BTBD16: variants seen among roughly 807,000 people sequenced by gnomAD.
The protein encoded by BTBD16 is BTB/POZ domain-containing protein 16.
A neutral mutation model predicts 67.4 loss-of-function variants in BTBD16; 66 were observed. The ratio of observed to expected loss-of-function variants is 0.98; its 90% CI spans 0.80 to 1.20. BTBD16 has a LOEUF of 1.20. BTBD16 is among the 50% of genes most tolerant of loss of function. The pLI, the probability that BTBD16 is intolerant of heterozygous loss-of-function variation, is 0.00. For synonymous variants in BTBD16, 242 were observed against 236.4 expected (o/e 1.02, Z -0.22); for missense variants, 634 against 616.0 (o/e 1.03, Z -0.31).
At chr10:122,303,029 TA>T (rs1166367981) in intron 9 of BTBD16, among the ~76,000 whole-genome samples, 4 of 152,126 alleles carry the variant, frequency 2.6e-5, no homozygotes, top group East Asian at 1.9e-4. Flanking sequence ...TTTTTACTGT[TA>T]AAAAAAGTAT....
chr10:122,295,512 TG>T (rs574274501), intron 7 of BTBD16: 1,667 of 985,350 alleles, frequency 1.7e-3, no homozygotes, highest in Non-Finnish European at 1.9e-3. Flanking sequence ...TGGTTTAGGC[TG>T]AGCCCCTCCT....
At chr10:122,285,069 CAAT>C (rs1478718515) in intron 4 of BTBD16, among the ~76,000 whole-genome samples, 1 of 152,148 alleles carries the variant, frequency 6.6e-6, no homozygotes, top group Non-Finnish European at 1.5e-5. Flanking sequence ...GGGTGAATAA[CAAT>C]AATAATAGCA....
intron 10 of BTBD16, among the ~76,000 whole-genome samples, chr10:122,325,804 T>G (rs536447151): frequency 6.6e-6 from 1 of 151,944 alleles, no homozygotes; most frequent in African/African-American, 2.4e-5. Flanking sequence ...GCCACCCGAG[T>G]AGCTGGGATT....
intron 10 of BTBD16, among the ~76,000 whole-genome samples, chr10:122,321,821 C>T (rs2096435951): frequency 6.6e-6 from 1 of 152,060 alleles, no homozygotes; most frequent in Non-Finnish European, 1.5e-5. Context: ...GGCAGAAGCT[C>T]TTAAGTTTGA....
intron 4 of BTBD16, among the ~76,000 whole-genome samples, chr10:122,285,021 A>C (rs540453676): frequency 1.5e-3 from 224 of 152,218 alleles, no homozygotes; most frequent in African/African-American, 4.9e-3. Context: ...TGAGATGCAA[A>C]CCCCCCGGAA....
chr10:122,272,665 C>G (rs1303023902), intron 1 of BTBD16, among the ~76,000 whole-genome samples: 1 of 134,846 alleles, frequency 7.4e-6, no homozygotes, highest in Non-Finnish European at 1.6e-5. Context: ...AAATTAGAGA[C>G]TGGCAAAGGA....
chr10:122,299,263 G>A (rs1395978383), intron 9 of BTBD16, 129 bp downstream of exon 9: 8 of 1,185,396 alleles, frequency 6.7e-6, no homozygotes, highest in African/African-American at 3.1e-5. Flanking sequence ...CTGGACAGCT[G>A]AGCCTTGGCT....
chr10:122,294,789 C>A (rs574543361), intron 7 of BTBD16, among the ~76,000 whole-genome samples: 1 of 152,354 alleles, frequency 6.6e-6, no homozygotes, highest in Admixed American at 6.5e-5. Context: ...TCTGATCATT[C>A]CAGTCCAGCC....
chr10:122,331,488 C>T (rs752594982), intron 12 of BTBD16, among the ~76,000 whole-genome samples: 3 of 152,176 alleles, frequency 2.0e-5, no homozygotes, highest in Non-Finnish European at 4.4e-5. Context: ...CATTTTTGTT[C>T]TTGGTACAGA....
chr10:122,277,066 T>A, intron 3 of BTBD16, 127 bp downstream of exon 3: 1 of 1,099,048 alleles, frequency 9.1e-7, no homozygotes, highest in Non-Finnish European at 1.3e-6. Flanking sequence ...GAAGGCTCCC[T>A]CTGGAGCCAG....
intron 14 of BTBD16, among the ~76,000 whole-genome samples, 196 bp from the exon 15 acceptor site, chr10:122,336,298 A>T (rs889383537): frequency 6.6e-6 from 1 of 152,232 alleles, no homozygotes; most frequent in Non-Finnish European, 1.5e-5. Flanking sequence ...CATCAGCCAC[A>T]GGTTTATGTA....
intron 1 of BTBD16, among the ~76,000 whole-genome samples, chr10:122,273,565 T>C (rs1358525376): frequency 6.6e-6 from 1 of 151,958 alleles, no homozygotes; most frequent in Non-Finnish European, 1.5e-5. Flanking sequence ...TATAGATCAG[T>C]CTGGGCAACC....
At chr10:122,277,877 C>A (rs1590046078) in intron 3 of BTBD16, among the ~76,000 whole-genome samples, 2 of 152,324 alleles carry the variant, frequency 1.3e-5, no homozygotes, top group Middle Eastern at 3.4e-3. Context: ...AGAAGGTACA[C>A]CTCATTTCCC....
chr10:122,300,076 T>C (rs963481268), intron 9 of BTBD16, among the ~76,000 whole-genome samples: 1 of 152,178 alleles, frequency 6.6e-6, no homozygotes, highest in Non-Finnish European at 1.5e-5. Context: ...AATGCCGGGC[T>C]TTTTAGGTTA....
At chr10:122,274,923 C>T in intron 1 of BTBD16, 117 bp from the exon 2 acceptor site, 1 of 650,070 alleles carries the variant, frequency 1.5e-6, no homozygotes, top group Non-Finnish European at 2.7e-6. Context: ...AAATAACCCA[C>T]ATTCGAGGCT....
chr10:122,290,803 A>AG (rs1443608098), intron 6 of BTBD16, among the ~76,000 whole-genome samples: 1 of 152,192 alleles, frequency 6.6e-6, no homozygotes, highest in Non-Finnish European at 1.5e-5. Flanking sequence ...ACCCCAGGTT[A>AG]GGGGAGAACC....
intron 1 of BTBD16, among the ~76,000 whole-genome samples, chr10:122,273,221 G>GATAGATATATATATATATAT (rs1034902866): frequency 2.3e-5 from 3 of 129,482 alleles, no homozygotes; most frequent in African/African-American, 5.7e-5. Context: ...GCAACACAAA[G>GATAGATATATATATATATAT]ATATATATAT....
intron 2 of BTBD16, 112 bp downstream of exon 2, chr10:122,275,211 C>A: frequency 9.5e-7 from 1 of 1,048,632 alleles, no homozygotes; most frequent in African/African-American, 1.6e-5. Context: ...GGACCTCAAG[C>A]ATTATTGGCT....
intron 10 of BTBD16, among the ~76,000 whole-genome samples, chr10:122,313,122 C>T (rs1165341658): frequency 6.6e-6 from 1 of 151,960 alleles, no homozygotes; most frequent in Non-Finnish European, 1.5e-5. Flanking sequence ...GGTGATCTGC[C>T]TGAATCAGCC....
Sources: gnomAD v4.1 joint callset for allele counts (sites outside exome capture counted in the v4.1 genomes callset) on GRCh38, gnomAD v4.1.1 for gene constraint, MANE v1.5 for transcripts, NCBI Gene and HGNC (gene_info 2026-07-23, HGNC 2026-07-21) for gene names.